Variants in TEKT4 observed in about 807,000 individuals in gnomAD.
The protein encoded by TEKT4 is tektin 4.
In TEKT4, 46 loss-of-function variants were observed where a neutral mutation model predicts 46.0. The ratio of observed to expected loss-of-function variants is 1.00; its 90% CI spans 0.79 to 1.28. The LOEUF (loss-of-function observed/expected upper bound fraction) is 1.28. Among genes scored for constraint, TEKT4 ranks in the 50% most tolerant of loss-of-function variants. TEKT4 has a pLI of 0.00. For synonymous variants in TEKT4, 325 were observed against 265.8 expected (o/e 1.22, Z -2.17); for missense variants, 790 against 622.9 (o/e 1.27, Z -2.85).
chr2:94,873,297 C>T (rs113408975), intron 1 of TEKT4: 2 of 1,401,478 alleles, frequency 1.4e-6, no homozygotes, highest in African/African-American at 2.9e-5. Context: ...CAGCAGCCCA[C>T]AGAAGGCCCT....
intron 1 of TEKT4, 65 bp from the exon 2 acceptor site, chr2:94,873,455 C>A: frequency 6.2e-7 from 1 of 1,609,810 alleles, no homozygotes; most frequent in Non-Finnish European, 8.5e-7. Flanking sequence ...AGGCCTGCAG[C>A]AGCTGGGCCT....
At chr2:94,874,353 G>A (rs540403170) in intron 3 of TEKT4, among the ~76,000 whole-genome samples, 97 of 152,304 alleles carry the variant, frequency 6.4e-4, no homozygotes, top group Admixed American at 1.1e-3. Context: ...GCGCTGGCAG[G>A]ATTGCGTTTC....
intron 1 of TEKT4, 144 bp from the exon 2 acceptor site, chr2:94,873,376 G>C (rs1165630761): frequency 2.7e-5 from 40 of 1,501,366 alleles, no homozygotes; most frequent in Non-Finnish European, 3.5e-5. Flanking sequence ...CCCAGTGAGA[G>C]AGCAGAACTT....
chr2:94,874,966 G>A lies in TEKT4; in HGVS notation c.904G>A (p.Ala302Thr), dbSNP rs76966022. Residue 302 changes from alanine to threonine, a missense_variant, in exon 4 of 6, where the codon GCG becomes ACG. Transcript: ENST00000295201. ...GCGCCGCTGTGAGGAGCTGGAGGAC[G>A]CGCGGTACAAGCTGCATCACCACCT... ...FGRRCEELED[A>T]RYKLHHHLHK... 70 of 1,609,722 alleles carry A rather than the reference G, an allele frequency of 4.3e-5. No individual in the cohort carries two copies. The Middle Eastern group carries it at 1.9e-3, about 43-fold the overall frequency.
rs1680699880 is a variant in TEKT4 at position 94,873,955 on chromosome 2, C to T, written c.570-10C>T. 1 of 1,613,530 alleles carries T rather than the reference C, an allele frequency of 6.2e-7. No homozygotes were observed. Among genetic ancestry groups the T allele is most frequent in the Non-Finnish European group, 8.5e-7 (1 of 1,179,934 alleles). On this transcript the variant is annotated splice_polypyrimidine_tract_variant and intron_variant, in intron 2 of 5. Coordinates refer to ENST00000295201, the MANE Select transcript of TEKT4 (RefSeq NM_144705.4). The stretch of plus-strand genomic sequence containing the variant: ...GGCACACATCAAGGCCCTGCCCCAC[C>T]CCGCCCCAGACTGAACCGGGAGCAC...
chr2:94,872,196 C>T (rs1454523818), intron 1 of TEKT4, 119 bp downstream of exon 1: 34 of 1,314,324 alleles, frequency 2.6e-5, no homozygotes, highest in Non-Finnish European at 3.0e-5. Flanking sequence ...CAGCCCTCTG[C>T]ACGTGAGACC....
At chr2:94,872,330 T>C in intron 1 of TEKT4, 4 of 574,298 alleles carry the variant, frequency 7.0e-6, no homozygotes. Flanking sequence ...ACAGTCATCC[T>C]GACCCTGGGC....
intron 1 of TEKT4, 49 bp downstream of exon 1, chr2:94,872,126 G>C (rs1367013020): frequency 3.1e-5 from 42 of 1,348,382 alleles, no homozygotes; most frequent in East Asian, 5.2e-5. Context: ...GAGAGGAGGA[G>C]CCCCCCCCCC....
rs200435349 is a variant in TEKT4 at position 94,874,777 on chromosome 2, G to A, written c.715G>A (p.Ala239Thr). ...TCCTGGCTGTCCCCCGCCCCGCAGCGCCTCCACCCCGGAGACCCGGGCCAA... is the reference window on the plus strand; with the variant it reads ...TCCTGGCTGTCCCCCGCCCCGCAGCACCTCCACCCCGGAGACCCGGGCCAA... Reference protein sequence around the residue: ...HPYSTTFQESASTPETRAKFT... With the variant: ...HPYSTTFQESTSTPETRAKFT... The change falls in exon 4 of 6, where the codon GCC becomes ACC. Residue 239 changes from alanine (A) to threonine (T), a missense_variant and splice_region_variant. By Grantham distance (58) the Ala-to-Thr change is moderately conservative. Coordinates refer to ENST00000295201, the MANE Select transcript of TEKT4 (RefSeq NM_144705.4). 3,929 of 1,572,312 alleles carry A rather than the reference G, an allele frequency of 2.5e-3. 8 individuals carry two copies. Among genetic ancestry groups the A allele is most frequent in the Non-Finnish European group, 3.1e-3 (3,597 of 1,161,814 alleles).
At chr2:94,872,880 C>T (rs111968440) in intron 1 of TEKT4, 37 of 1,289,216 alleles carry the variant, frequency 2.9e-5, no homozygotes, top group African/African-American at 9.1e-5. Flanking sequence ...ACTCTCTGCC[C>T]GCAACAAGGG....
At chr2:94,873,224 G>A (rs1449673575) in intron 1 of TEKT4, 2 of 1,285,436 alleles carry the variant, frequency 1.6e-6, no homozygotes, top group Non-Finnish European at 2.0e-6. Flanking sequence ...CAGGTGCACT[G>A]AGTGAGCAGC....
In TEKT4 at chr2:94,872,603, G is replaced by A. The variant is rs1244202922; in HGVS notation, c.498+526G>A. On this transcript the variant is annotated intron_variant, in intron 1 of 5. Transcript: ENST00000295201. ...TGGGGCAGCCCCACAGGGTGAGAGA[G>A]TAACTCAGTCCTGGCCCAGATGCTG... 7 of 343,214 alleles carry A rather than the reference G, an allele frequency of 2.0e-5. No individual in the cohort carries two copies. The Admixed American group carries it at 2.7e-4, about 13-fold the overall frequency. The allele number at this position is 343,214 out of a possible 1,614,324, so 21.3% of individuals were successfully genotyped here.
intron 1 of TEKT4, chr2:94,872,701 T>G: frequency 1.4e-6 from 1 of 692,858 alleles, no homozygotes; most frequent in South Asian, 1.7e-5. Flanking sequence ...TAGACATTCG[T>G]GAAAGATGTG....
At chr2:94,874,670 C>A in intron 3 of TEKT4, 106 bp from the exon 4 acceptor site, 1 of 1,037,172 alleles carries the variant, frequency 9.6e-7, no homozygotes, top group Non-Finnish European at 1.4e-6. Context: ...AGTCCATGCA[C>A]GTCCTCCAGG....
rs782706068 is a variant in TEKT4 at position 94,871,881 on chromosome 2, G to A, written c.302G>A (p.Trp101Ter). 1.6e-5 allele frequency: 25 copies of A among 1,597,706 alleles called. No individual in the cohort carries two copies. Among genetic ancestry groups the A allele is most frequent in the Non-Finnish European group, 2.0e-5 (24 of 1,175,572 alleles). ...VGERLQDTHSWKSELQREMEA... is the reference protein window; with the variant it reads ...VGERLQDTHS ...GAGCGACTGCAGGACACGCACAGCT[G>A]GAAGTCGGAGCTGCAGCGTGAGATG... Residue 101 changes from tryptophan (W) to a stop codon, truncating the protein, a stop_gained, in exon 1 of 6, where the codon TGG becomes TAG. Coordinates refer to ENST00000295201, the MANE Select transcript of TEKT4 (RefSeq NM_144705.4). LOFTEE classifies it high-confidence loss of function.
rs111469930 is a variant in TEKT4, at chr2:94,874,088, C to T, written c.693C>T (p.Tyr231=). 32,745 of 1,613,532 alleles carry T rather than the reference C, an allele frequency of 0.02. 392 individuals carry two copies. The highest frequency in any genetic ancestry group is 0.023 in the Non-Finnish European group (27,579 of 1,179,884). Residue 231 remains tyrosine, a synonymous_variant, in exon 3 of 6, where the codon TAC becomes TAT. Coordinates refer to ENST00000295201, the MANE Select transcript of TEKT4 (RefSeq NM_144705.4). ...GCACCGAGGTGCAGGCTCATCCGTA[C>T]TCCACCACCTTCCAAGAGAGGTGGG... ...SQSTEVQAHP[Y]STTFQESAST... is the part of the protein sequence containing the mutation.
chr2:94,871,888 G>A lies in TEKT4; in HGVS notation c.309G>A (p.Ser103=), dbSNP rs111669261. ...ERLQDTHSWK[S]ELQREMEALA... Reference sequence around the variant, plus strand: ...TGCAGGACACGCACAGCTGGAAGTCGGAGCTGCAGCGTGAGATGGAGGCGC... The same window carrying A: ...TGCAGGACACGCACAGCTGGAAGTCAGAGCTGCAGCGTGAGATGGAGGCGC... Residue 103 remains serine (S), a synonymous_variant, in exon 1 of 6, where the codon TCG becomes TCA. Transcript: ENST00000295201. 26 of 1,597,874 alleles carry A rather than the reference G, an allele frequency of 1.6e-5. No individual in the cohort carries two copies. Among genetic ancestry groups the A allele is most frequent in the East Asian group, 4.5e-5 (2 of 44,496 alleles).
intron 3 of TEKT4, among the ~76,000 whole-genome samples, chr2:94,874,380 A>G (rs1680727774): frequency 6.6e-6 from 1 of 151,844 alleles, no homozygotes; most frequent in Non-Finnish European, 1.5e-5. Flanking sequence ...AGGCCAGCAG[A>G]GGGAGCCTGA....
In TEKT4 at chr2:94,871,981, G is replaced by T. The variant is rs1553394728; in HGVS notation, c.402G>T (p.Glu134Asp). 1 of 1,601,528 alleles carries T rather than the reference G, an allele frequency of 6.2e-7. No individual in the cohort carries two copies. Among genetic ancestry groups the T allele is most frequent in the Admixed American group, 1.7e-5 (1 of 59,138 alleles). ...QRLERALDATEVPFSITTDNL... is the reference protein window; with the variant it reads ...QRLERALDATDVPFSITTDNL... ...TGGAGCGCGCCCTGGACGCCACAGA[G>T]GTGCCCTTCTCCATCACCACTGACA... Residue 134 changes from glutamate (E) to aspartate (D), a missense_variant, in exon 1 of 6, where the codon GAG becomes GAT. Coordinates refer to ENST00000295201, the MANE Select transcript of TEKT4 (RefSeq NM_144705.4).
Sources: allele counts gnomAD v4.1 joint callset (sites outside exome capture counted in the v4.1 genomes callset), GRCh38; gene constraint gnomAD v4.1.1; transcripts MANE v1.5; gene names NCBI Gene and HGNC (gene_info 2026-07-23, HGNC 2026-07-21).